Variants in MEIOC observed in about 807,000 individuals in gnomAD.
MEIOC encodes the protein meiosis specific with coiled-coil domain.
In MEIOC, 9 loss-of-function variants were observed where a neutral mutation model predicts 85.3. The ratio of observed to expected loss-of-function variants is 0.11; its 90% confidence interval spans 0.06 to 0.18. The LOEUF (loss-of-function observed/expected upper bound fraction) is 0.18, where lower values mean the gene tolerates loss of function less well. MEIOC is among the 10% of genes least tolerant of loss of function. The pLI is 1.00. For synonymous variants in MEIOC, 365 were observed against 393.7 expected (o/e 0.93, Z 0.86); for missense variants, 898 against 1,129.4 (o/e 0.80, Z 2.94).
At chr17:44,657,851 C>CCGTTTTGTT (rs998105712) in intron 2 of MEIOC, among the ~76,000 whole-genome samples, 3 of 142,296 alleles carry the variant, frequency 2.1e-5, no homozygotes, top group African/African-American at 7.9e-5. Context: ...CCGCGTCCAG[C>CCGTTTTGTT]CGTTTTGTTT....
chr17:44,657,080 C>A, intron 1 of MEIOC, 47 bp from the exon 2 acceptor site: 1 of 1,524,722 alleles, frequency 6.6e-7, no homozygotes, highest in Non-Finnish European at 8.8e-7. Flanking sequence ...GCTCCGGCGT[C>A]ACCCTCGTGA....
intron 6 of MEIOC, chr17:44,671,117 T>G (rs921235287): frequency 2.0e-4 from 31 of 151,946 alleles, no homozygotes; most frequent in African/African-American, 7.0e-4. Flanking sequence ...AAAATCAACA[T>G]GGGTCAAATT....
At chr17:44,673,891 G>A in intron 7 of MEIOC, 85 bp from the exon 8 acceptor site, 9 of 1,427,708 alleles carry the variant, frequency 6.3e-6, no homozygotes, top group Non-Finnish European at 8.5e-6. Flanking sequence ...TGATCATTTA[G>A]TAGCAAAAGC....
chr17:44,665,210 A>T, intron 3 of MEIOC, 174 bp from the exon 4 acceptor site: 1 of 1,000,274 alleles, frequency 1.0e-6, no homozygotes, highest in Non-Finnish European at 1.3e-6. Context: ...AGACATTTCC[A>T]CATAAAAATA....
At chr17:44,673,238 A>C in intron 6 of MEIOC, 128 bp from the exon 7 acceptor site, 1 of 644,046 alleles carries the variant, frequency 1.6e-6, no homozygotes, top group Non-Finnish European at 2.5e-6. Flanking sequence ...GTCAGGACAC[A>C]GTAAGCATTC....
At chr17:44,668,930 G>A (rs192191673) in intron 5 of MEIOC, among the ~76,000 whole-genome samples, 4 of 152,228 alleles carry the variant, frequency 2.6e-5, no homozygotes, top group Admixed American at 6.5e-5. Context: ...ATAGCTGGGC[G>A]CGGTGGCTCA....
At position 44,667,168 on chromosome 17, in the gene MEIOC, A is replaced by G; in HGVS notation, c.1257A>G (p.Thr419=). 3 of 1,613,938 alleles carry G rather than the reference A, an allele frequency of 1.9e-6. No individual in the cohort carries two copies. The highest frequency in any genetic ancestry group is 1.7e-6 in the Non-Finnish European group (2 of 1,179,878). Reference sequence around the variant, plus strand: ...TATTCACTGCTGATTTTGGCTTAACATCAGAATATGGACTAAAACCTCACA... The same window carrying G: ...TATTCACTGCTGATTTTGGCTTAACGTCAGAATATGGACTAAAACCTCACA... ...EAVFTADFGL[T]SEYGLKPHTA... The change falls in exon 5 of 8, where the codon ACA becomes ACG. Residue 419 remains threonine (T), a synonymous_variant. Transcript: ENST00000409122.
chr17:44,666,955 A>G lies in MEIOC; in HGVS notation c.1044A>G (p.Gln348=), dbSNP rs368299123. The G allele has an allele frequency of 9.1e-5, 147 of 1,611,844 alleles. No homozygotes were observed. The highest frequency in any genetic ancestry group is 3.6e-5 in the Non-Finnish European group (42 of 1,178,864). ...KLNKCSNFSV[Q]DSKKLANGTP... ...ATAAATGTTCAAATTTTAGTGTCCA[A>G]GATAGCAAAAAATTAGCCAATGGCA... Residue 348 remains glutamine, a synonymous_variant, in exon 5 of 8, where the codon CAA becomes CAG. Coordinates refer to ENST00000409122, the MANE Select transcript of MEIOC (RefSeq NM_001145080.3).
chr17:44,671,922 A>AAG (rs398119838), intron 6 of MEIOC, among the ~76,000 whole-genome samples: 1 of 150,956 alleles, frequency 6.6e-6, no homozygotes, highest in African/African-American at 2.4e-5. Context: ...AAAAAAAAAA[A>AAG]TTACTATTTT....
intron 6 of MEIOC, 49 bp downstream of exon 6, chr17:44,669,566 T>C (rs1171357025): frequency 6.5e-7 from 1 of 1,546,870 alleles, no homozygotes; most frequent in Non-Finnish European, 8.7e-7. Context: ...GTTAAATTTT[T>C]TTTAAGTTTC....
chr17:44,666,825 A>T lies in MEIOC; in HGVS notation c.914A>T (p.Gln305Leu). ...ICTKGLEAPL[Q>L]QKRAEMFLSQ... is the part of the protein sequence containing the mutation. ...ACTAAAGGTCTTGAAGCACCACTAC[A>T]GCAAAAAAGGGCAGAGATGTTTCTT... The change falls in exon 5 of 8, where the codon CAG (glutamine) becomes CTG (leucine). Residue 305 changes from glutamine (Q) to leucine (L), a missense_variant. Around this residue, in one of 2 missense-constraint regions of MEIOC, gnomAD observed 734 missense variants for 860.1 expected, o/e 0.85. Coordinates refer to ENST00000409122, the MANE Select transcript of MEIOC (RefSeq NM_001145080.3). 6.2e-7 allele frequency: 1 copy of T among 1,613,214 alleles called. No homozygotes were observed. The highest frequency in any genetic ancestry group is 1.3e-5 in the African/African-American group (1 of 75,044).
Position 44,674,330 on chromosome 17 carries a change from TCTAA to T in MEIOC, c.*137_*140del, listed in dbSNP as rs1339874600. On this transcript the variant is annotated 3_prime_UTR_variant, in exon 8 of 8. Coordinates refer to ENST00000409122, the MANE Select transcript of MEIOC (RefSeq NM_001145080.3). ...AGTTAATACCAGTACCTTAATGAAG[TCTAA>T]CTTCTATTTAAAAATCTTCTATTTG... 1 of 1,415,984 alleles carries T rather than the reference TCTAA, an allele frequency of 7.1e-7. No individual in the cohort carries two copies. Among genetic ancestry groups the T allele is most frequent in the African/African-American group, 1.4e-5 (1 of 69,484 alleles). 87.7% of individuals were successfully genotyped at this position (1,415,984 alleles called of 1,614,324 possible).
At chr17:44,669,225 C>T (rs548690477) in intron 5 of MEIOC, among the ~76,000 whole-genome samples, 158 bp from the exon 6 acceptor site, 1 of 151,996 alleles carries the variant, frequency 6.6e-6, no homozygotes, top group South Asian at 2.1e-4. Context: ...TAGAAAAATA[C>T]TGTGGTATTG....
chr17:44,673,852 A>C, intron 7 of MEIOC, 124 bp from the exon 8 acceptor site: 1 of 1,188,568 alleles, frequency 8.4e-7, no homozygotes, highest in South Asian at 1.6e-5. Flanking sequence ...TTCAATCAAT[A>C]ACTATCCTTT....
chr17:44,660,706 A>G (rs1377960255), intron 2 of MEIOC, among the ~76,000 whole-genome samples: 1 of 152,194 alleles, frequency 6.6e-6, no homozygotes, highest in African/African-American at 2.4e-5. Context: ...AGAATAAACA[A>G]TGTATAAATT....
chr17:44,674,343 TAA>T lies in MEIOC; in HGVS notation c.*151_*152del, dbSNP rs1312957627. The T allele has an allele frequency of 1.5e-5, 21 of 1,411,980 alleles. No homozygotes were observed. The highest frequency in any genetic ancestry group is 1.8e-5 in the Non-Finnish European group (20 of 1,085,504). 87.5% of individuals were successfully genotyped at this position (1,411,980 alleles called of 1,614,324 possible). ...ACCTTAATGAAGTCTAACTTCTATTTAAAAATCTTCTATTTGAAGTGAATCCG... is the reference window on the plus strand; with the variant it reads ...ACCTTAATGAAGTCTAACTTCTATTTAAATCTTCTATTTGAAGTGAATCCG... On this transcript the variant is annotated 3_prime_UTR_variant, in exon 8 of 8. Transcript: ENST00000409122.
chr17:44,668,318 A>G (rs1598728588), intron 5 of MEIOC, 85 bp downstream of exon 5: 3 of 1,216,110 alleles, frequency 2.5e-6, no homozygotes, highest in Non-Finnish European at 2.3e-6. Context: ...GTGTAAGAGT[A>G]CTTGCCTTAT....
chr17:44,666,925 G>A lies in MEIOC; in HGVS notation c.1014G>A (p.Lys338=). 3.1e-6 allele frequency: 5 copies of A among 1,609,498 alleles called. No individual in the cohort carries two copies. The highest frequency in any genetic ancestry group is 4.2e-6 in the Non-Finnish European group (5 of 1,177,452). The stretch of plus-strand genomic sequence containing the variant: ...AGTATGTTCATCCTAATAAGGCTAA[G>A]CTTAATAAATGTTCAAATTTTAGTG... ...YPEYVHPNKA[K]LNKCSNFSVQ... The change falls in exon 5 of 8, where the codon AAG becomes AAA. Residue 338 remains lysine (K), a synonymous_variant. Transcript: ENST00000409122.
intron 1 of MEIOC, 86 bp from the exon 2 acceptor site, chr17:44,657,041 C>T: frequency 6.9e-7 from 1 of 1,439,676 alleles, no homozygotes; most frequent in African/African-American, 1.4e-5. Flanking sequence ...GCCGAACAGC[C>T]GAGGTAGAAC....
Sources: gnomAD v4.1 joint callset for allele counts (sites outside exome capture counted in the v4.1 genomes callset) on GRCh38, gnomAD v4.1.1 for gene constraint, gnomAD v4.1.1 regional missense constraint, MANE v1.5 for transcripts, NCBI Gene and HGNC (gene_info 2026-07-23, HGNC 2026-07-21) for gene names.